The following NRXN1 variants were observed in gnomAD, a reference collection of about 807,000 sequenced individuals.
NRXN1 encodes neurexin 1.
Under a neutral mutation model 150.9 loss-of-function variants are expected in NRXN1, and 39 were observed. The observed-to-expected ratio is 0.26, with a 90% CI of 0.20 to 0.34. The LOEUF (loss-of-function observed/expected upper bound fraction) is 0.34, where lower values mean the gene tolerates loss of function less well. NRXN1 is among the 10% of genes least tolerant of loss of function. The pLI, the probability that NRXN1 is intolerant of heterozygous loss-of-function variation, is 1.00. For synonymous variants in NRXN1, 924 were observed against 757.0 expected (o/e 1.22, Z -3.62); for missense variants, 1,815 against 1,949.9 (o/e 0.93, Z 1.30).
In NRXN1 at chr2:50,697,691, T is replaced by C. The variant is rs536212920; in HGVS notation, c.833-74076A>G. Among the ~76,000 whole-genome samples, 22 of 152,336 alleles carry C rather than the reference T, an allele frequency of 1.4e-4. No homozygotes were observed. The South Asian group carries it at 4.1e-3, about 29-fold the overall frequency. ...TGTGAATTAGATTACATCATTCTTT[T>C]CTTCAAATCCTCAAATAATATTTAG... On this transcript the variant is annotated intron_variant, in intron 5 of 22. Coordinates refer to ENST00000401669, the MANE Select transcript of NRXN1 (RefSeq NM_001330078.2).
At chr2:50,633,434 G>C (rs576800283) in intron 5 of NRXN1, among the ~76,000 whole-genome samples, 71 of 152,158 alleles carry the variant, frequency 4.7e-4, no homozygotes, top group African/African-American at 9.4e-4. Flanking sequence ...AAATCATGCT[G>C]GATGGGAAGA....
chr2:50,175,968 T>C (rs2060330071), intron 18 of NRXN1, among the ~76,000 whole-genome samples: 1 of 152,084 alleles, frequency 6.6e-6, no homozygotes. Flanking sequence ...ACAAATACTG[T>C]TAGGCAGGGA....
rs958823430 is a variant in NRXN1 at position 50,969,592 on chromosome 2, C to T, written c.773-43637G>A. ...CTATTTGATCTCTCAAAACTATTTA[C>T]TATTTAAGCAGTTGTTTCATAAATG... On this transcript the variant is annotated intron_variant, in intron 2 of 22. Transcript: ENST00000401669. 2.9e-4 allele frequency among the ~76,000 whole-genome samples: 44 copies of T among 152,070 alleles called. 1 individual carries two copies. The highest frequency in any genetic ancestry group is 2.7e-3 in the Admixed American group (41 of 15,256).
intron 2 of NRXN1, chr2:50,964,116 A>T (rs1693667166): frequency 6.9e-6 from 2 of 290,908 alleles, no homozygotes; most frequent in South Asian, 6.4e-5. Context: ...CGATTACAAA[A>T]TCTTTGTCAT....
intron 21 of NRXN1, among the ~76,000 whole-genome samples, chr2:49,948,396 A>C (rs1315007141): frequency 3.9e-5 from 6 of 152,066 alleles, no homozygotes; most frequent in African/African-American, 1.4e-4. Context: ...AGAAAAAAAT[A>C]ACTACAAATG....
At chr2:50,992,926 T>C (rs532437292) in intron 2 of NRXN1, among the ~76,000 whole-genome samples, 14 of 152,112 alleles carry the variant, frequency 9.2e-5, no homozygotes, top group African/African-American at 2.9e-4. Context: ...GGTACAGCAA[T>C]ATAAAGCAGA....
intron 19 of NRXN1, among the ~76,000 whole-genome samples, chr2:50,071,721 A>G (rs908635074): frequency 6.6e-6 from 1 of 152,240 alleles, no homozygotes; most frequent in African/African-American, 2.4e-5. Context: ...GAGATAATTT[A>G]AACGTAGTTT....
chr2:50,556,045 G>C (rs376131203), intron 8 of NRXN1, among the ~76,000 whole-genome samples: 1 of 152,144 alleles, frequency 6.6e-6, no homozygotes, highest in African/African-American at 2.4e-5. Context: ...TTGAGAAGAA[G>C]CACACTATGT....
intron 19 of NRXN1, among the ~76,000 whole-genome samples, chr2:50,056,285 T>A (rs949265315): frequency 6.6e-6 from 1 of 152,134 alleles, no homozygotes; most frequent in African/African-American, 2.4e-5. Context: ...GCTACTCTTA[T>A]AATACATTAT....
intron 17 of NRXN1, among the ~76,000 whole-genome samples, chr2:50,464,779 C>T (rs77032868): frequency 1.8e-3 from 267 of 151,992 alleles, no homozygotes; most frequent in African/African-American, 6.1e-3. Context: ...AGACACAGAA[C>T]TTCATCTTAT....
intron 2 of NRXN1, among the ~76,000 whole-genome samples, chr2:50,931,096 G>C (rs138155761): frequency 1.5e-3 from 228 of 152,210 alleles, no homozygotes; most frequent in African/African-American, 5.2e-3. Context: ...ATTACCATCA[G>C]AGAATATTCT....
In NRXN1 at chr2:50,751,818, G is replaced by T. The variant is rs548809308; in HGVS notation, c.833-128203C>A. On this transcript the variant is annotated intron_variant, in intron 5 of 22. Coordinates refer to ENST00000401669, the MANE Select transcript of NRXN1 (RefSeq NM_001330078.2). ...TAAACTTGGAATATGACTCACTTAA[G>T]CAAAACTTTCCACAGGTGTCACTTC... Among the ~76,000 whole-genome samples the T allele has an allele frequency of 2.0e-5, 3 of 151,936 alleles. No homozygotes were observed. The East Asian group carries it at 5.8e-4, about 29-fold the overall frequency.
intron 8 of NRXN1, among the ~76,000 whole-genome samples, chr2:50,602,635 C>T (rs971989974): frequency 6.6e-6 from 1 of 152,042 alleles, no homozygotes; most frequent in African/African-American, 2.4e-5. Flanking sequence ...CCTTTGCTCC[C>T]TTCTTCCCTT....
chr2:50,448,647 C>T (rs2086685188), intron 17 of NRXN1, among the ~76,000 whole-genome samples: 1 of 152,104 alleles, frequency 6.6e-6, no homozygotes, highest in Non-Finnish European at 1.5e-5. Context: ...TTTTATTACC[C>T]TAATAGTTTC....
intron 2 of NRXN1, among the ~76,000 whole-genome samples, chr2:50,969,987 C>A (rs1183813306): frequency 6.6e-6 from 1 of 152,148 alleles, no homozygotes; most frequent in African/African-American, 2.4e-5. Context: ...GTGGGGAAAC[C>A]CAGGAAGGTC....
At chr2:50,478,634 C>T (rs2090190996) in intron 15 of NRXN1, among the ~76,000 whole-genome samples, 1 of 152,190 alleles carries the variant, frequency 6.6e-6, no homozygotes, top group Non-Finnish European at 1.5e-5. Flanking sequence ...TCTATTTTTG[C>T]TTCTGTAGGA....
chr2:50,459,064 A>T (rs964312959), intron 17 of NRXN1, among the ~76,000 whole-genome samples: 6 of 152,078 alleles, frequency 3.9e-5, no homozygotes, highest in Non-Finnish European at 8.8e-5. Context: ...AGTTCTTTTT[A>T]TGCACTAGCT....
At chr2:50,286,489 T>C (rs904009492) in intron 17 of NRXN1, among the ~76,000 whole-genome samples, 7 of 152,198 alleles carry the variant, frequency 4.6e-5, no homozygotes, top group African/African-American at 1.4e-4. Context: ...TGGATAGTAG[T>C]CTGTTGTGTA....
intron 9 of NRXN1, 48 bp downstream of exon 9, chr2:50,552,539 G>C (rs747108156): frequency 7.1e-7 from 1 of 1,402,028 alleles, no homozygotes; most frequent in Non-Finnish European, 1.0e-6. Flanking sequence ...GGCATGGGTG[G>C]GTGGGGTGCT....
Sources: gnomAD v4.1 joint callset for allele counts (sites outside exome capture counted in the v4.1 genomes callset) on GRCh38, gnomAD v4.1.1 for gene constraint, MANE v1.5 for transcripts, NCBI Gene and HGNC (gene_info 2026-07-23, HGNC 2026-07-21) for gene names.